Variants in MDN1 observed in about 807,000 individuals in gnomAD.
MDN1 encodes the protein midasin AAA ATPase 1.
A neutral mutation model predicts 669.2 loss-of-function variants in MDN1; 266 were observed. That is an observed-to-expected ratio of 0.40 (90% confidence interval 0.36 to 0.44). The LOEUF is 0.44. Ranked by LOEUF, MDN1 falls within the 20% of genes least tolerant of loss-of-function variation. The pLI, the probability that MDN1 is intolerant of heterozygous loss-of-function variation, is 1.00. For synonymous variants in MDN1, 2,385 were observed against 2,457.1 expected (o/e 0.97, Z 0.87); for missense variants, 5,940 against 6,754.0 (o/e 0.88, Z 4.22).
At position 89,677,470 on chromosome 6, in the gene MDN1, T is replaced by C. The variant is rs74710574; in HGVS notation, c.12539+100A>G. On this transcript the variant is annotated intron_variant, in intron 76 of 101. Coordinates refer to ENST00000369393, the MANE Select transcript of MDN1 (RefSeq NM_014611.3). ...TTTGTAAGTGGTAGCCACAGTGGTA[T>C]TGCTATCCCTATTTTTGCAATGTGC... 3,193 of 1,460,294 alleles carry C rather than the reference T, an allele frequency of 2.2e-3. 62 individuals are homozygous for C. In the African/African-American group the frequency reaches 0.039, roughly 18 times the overall value. 90.5% of individuals were successfully genotyped at this position (1,460,294 alleles called of 1,614,324 possible).
In MDN1 at chr6:89,737,532, A is replaced by C. The variant is rs1816053152; in HGVS notation, c.4723+794T>G. 2.0e-5 allele frequency among the ~76,000 whole-genome samples: 3 copies of C among 152,170 alleles called. No individual in the cohort carries two copies. The South Asian group carries it at 6.2e-4, about 31-fold the overall frequency. ...CATCAAACCAATACAGGCTTCAAAA[A>C]CAAAAAGAACCATATAGTTAGGAGT... On this transcript the variant is annotated intron_variant, in intron 33 of 101. Coordinates refer to ENST00000369393, the MANE Select transcript of MDN1 (RefSeq NM_014611.3).
At chr6:89,738,550 G>T in intron 32 of MDN1, 95 bp from the exon 33 acceptor site, 1 of 1,315,534 alleles carries the variant, frequency 7.6e-7, no homozygotes. Flanking sequence ...GTTAAGTCCA[G>T]CAAATACTAC....
intron 43 of MDN1, among the ~76,000 whole-genome samples, chr6:89,718,015 T>C (rs1169560213): frequency 6.6e-6 from 1 of 152,182 alleles, no homozygotes. Context: ...TCCTATGAAT[T>C]CAGACTCCTA....
intron 15 of MDN1, among the ~76,000 whole-genome samples, chr6:89,763,369 G>C (rs1584335160): frequency 6.7e-6 from 1 of 148,598 alleles, no homozygotes; most frequent in South Asian, 2.2e-4. Context: ...CTTAGCTATT[G>C]CAATGGTTTG....
chr6:89,779,130 G>C (rs940575908), intron 11 of MDN1, among the ~76,000 whole-genome samples: 1 of 151,870 alleles, frequency 6.6e-6, no homozygotes, highest in Non-Finnish European at 1.5e-5. Flanking sequence ...ATGGAATAAG[G>C]GGGGAAAAGA....
chr6:89,772,368 C>T (rs373476533), intron 14 of MDN1, among the ~76,000 whole-genome samples: 3 of 152,036 alleles, frequency 2.0e-5, no homozygotes, highest in Non-Finnish European at 2.9e-5. Context: ...AAAATCTATA[C>T]GTATATGTAT....
chr6:89,710,951 T>A (rs1270357016), intron 49 of MDN1, among the ~76,000 whole-genome samples, 157 bp from the exon 50 acceptor site: 2 of 152,250 alleles, frequency 1.3e-5, no homozygotes, highest in Non-Finnish European at 2.9e-5. Context: ...CTGGATTTTT[T>A]ATTTTTTTAA....
rs773964788 is a variant in MDN1, at chr6:89,658,853, T to C, written c.14778A>G (p.Gly4926=). 8.7e-6 allele frequency: 14 copies of C among 1,614,124 alleles called. No homozygotes were observed. In the Admixed American group the frequency reaches 2.0e-4, roughly 23 times the overall value. The change falls in exon 89 of 102, where the codon GGA becomes GGG. Residue 4926 remains glycine, a synonymous_variant. Coordinates refer to ENST00000369393, the MANE Select transcript of MDN1 (RefSeq NM_014611.3). The part of the protein sequence containing the change: ...EEAGHEAEER[G]ETETDQNESQ... Reference sequence around the variant, plus strand: ...TTTCGTTCTGGTCGGTCTCGGTCTCTCCTCTTTCCTCAGCTTCATGACCTG... The same window carrying C: ...TTTCGTTCTGGTCGGTCTCGGTCTCCCCTCTTTCCTCAGCTTCATGACCTG...
At chr6:89,761,402 CT>C (rs1307503843) in intron 17 of MDN1, among the ~76,000 whole-genome samples, 4 of 152,108 alleles carry the variant, frequency 2.6e-5, no homozygotes, top group Admixed American at 1.3e-4. Flanking sequence ...TCATAACACC[CT>C]TTTGTACCCC....
chr6:89,729,830 G>A (rs1815482473), intron 35 of MDN1, among the ~76,000 whole-genome samples: 1 of 152,044 alleles, frequency 6.6e-6, no homozygotes. Context: ...TCCTATGATG[G>A]TGGCTTAGAG....
At chr6:89,649,456 G>A (rs1456310068) in intron 97 of MDN1, among the ~76,000 whole-genome samples, 2 of 152,184 alleles carry the variant, frequency 1.3e-5, no homozygotes, top group African/African-American at 4.8e-5. Flanking sequence ...ATTAGCCCAT[G>A]CTGTATAACA....
chr6:89,790,229 G>A lies in MDN1; in HGVS notation c.1028C>T (p.Ala343Val). ...AGGCTTTGTTCTACCTGTCACTGCA[G>A]CTAAATATTCAACTAAGGAAGTTTT... Reference protein sequence around the residue: ...CGKTSLVEYLAAVTGRTKPPQ... With the variant: ...CGKTSLVEYLVAVTGRTKPPQ... The change falls in exon 6 of 102, where the codon GCT becomes GTT. Residue 343 changes from alanine to valine, a missense_variant. Transcript: ENST00000369393. 6 of 1,614,156 alleles carry A rather than the reference G, an allele frequency of 3.7e-6. No homozygotes were observed. Among genetic ancestry groups the A allele is most frequent in the Non-Finnish European group, 4.2e-6 (5 of 1,180,016 alleles).
At chr6:89,762,261 T>C (rs924913735) in intron 16 of MDN1, 58 bp downstream of exon 16, 26 of 1,403,914 alleles carry the variant, frequency 1.9e-5, no homozygotes, top group South Asian at 1.2e-4. Context: ...AAAACTAATA[T>C]GTTAACTAAA....
chr6:89,704,458 G>A (rs186547654), intron 53 of MDN1, among the ~76,000 whole-genome samples: 1 of 152,360 alleles, frequency 6.6e-6, no homozygotes, highest in Non-Finnish European at 1.5e-5. Context: ...TTTTTCACAA[G>A]TGTGACTTTT....
At chr6:89,657,505 A>G (rs1011133163) in intron 90 of MDN1, among the ~76,000 whole-genome samples, 2 of 152,258 alleles carry the variant, frequency 1.3e-5, no homozygotes, top group African/African-American at 2.4e-5. Flanking sequence ...TTTTTAAATT[A>G]GACGTTTAGA....
At chr6:89,771,199 T>C (rs1370291784) in intron 15 of MDN1, among the ~76,000 whole-genome samples, 1 of 152,198 alleles carries the variant, frequency 6.6e-6, no homozygotes, top group Non-Finnish European at 1.5e-5. Context: ...ACTGATCCTT[T>C]GCCTTAGCTT....
chr6:89,714,473 A>G, intron 46 of MDN1, 70 bp downstream of exon 46: 2 of 1,238,456 alleles, frequency 1.6e-6, no homozygotes, highest in Non-Finnish European at 2.3e-6. Flanking sequence ...TTTGATGAGC[A>G]GTCCAATGGA....
intron 20 of MDN1, among the ~76,000 whole-genome samples, chr6:89,754,625 G>C (rs774370737): frequency 1.3e-5 from 2 of 152,190 alleles, no homozygotes; most frequent in Non-Finnish European, 2.9e-5. Context: ...GTTTTGAAAG[G>C]CTACGAATAT....
At position 89,690,044 on chromosome 6, in the gene MDN1, G is replaced by A; in HGVS notation, c.10849C>T (p.Gln3617Ter). 6.2e-7 allele frequency: 1 copy of A among 1,614,188 alleles called. No individual in the cohort carries two copies. Among genetic ancestry groups the A allele is most frequent in the Non-Finnish European group, 8.5e-7 (1 of 1,180,030 alleles). The change falls in exon 65 of 102, where the codon CAG (glutamine) becomes TAG (stop). Residue 3617 changes from glutamine (Q) to a stop codon, truncating the protein, a stop_gained. Transcript: ENST00000369393. LOFTEE classifies it high-confidence loss of function. ...AGCATTACTGCCTGCATTGAATTCT[G>A]GGAGAGGAGAGCTGGGTTTGTGCCT... Reference protein sequence around the residue: ...EAGTNPALLSQNSMQAVMLIH... With the variant: ...EAGTNPALLS
Sources: allele counts gnomAD v4.1 joint callset (sites outside exome capture counted in the v4.1 genomes callset), GRCh38; gene constraint gnomAD v4.1.1; transcripts MANE v1.5; gene names NCBI Gene and HGNC (gene_info 2026-07-23, HGNC 2026-07-21).